Variants in SEMA5A observed in about 807,000 individuals in gnomAD.
SEMA5A encodes semaphorin-5A.
In SEMA5A, 55 loss-of-function variants were observed where a neutral mutation model predicts 135.5. The ratio of observed to expected loss-of-function variants is 0.41; its 90% confidence interval spans 0.33 to 0.51. The LOEUF (loss-of-function observed/expected upper bound fraction) is 0.51, where lower values mean the gene tolerates loss of function less well. Ranked by LOEUF, SEMA5A falls within the 20% of genes least tolerant of loss-of-function variation. The pLI, the probability that SEMA5A is intolerant of heterozygous loss-of-function variation, is 0.37. For missense variants in SEMA5A, 1,290 were observed against 1,419.9 expected (o/e 0.91, Z 1.47); for synonymous variants, 580 against 546.5 (o/e 1.06, Z -0.85).
chr5:9,321,399 T>C (rs1180543539), intron 4 of SEMA5A, among the ~76,000 whole-genome samples: 1 of 152,204 alleles, frequency 6.6e-6, no homozygotes, highest in Admixed American at 6.5e-5. Context: ...CCTCACATAT[T>C]TCCCACTGTC....
chr5:9,199,314 A>G (rs1296776275), intron 9 of SEMA5A, among the ~76,000 whole-genome samples: 1 of 152,128 alleles, frequency 6.6e-6, no homozygotes, highest in Non-Finnish European at 1.5e-5. Context: ...CCTGGGGAGC[A>G]CAATTGGTAT....
At chr5:9,459,323 T>G (rs141255819) in intron 1 of SEMA5A, among the ~76,000 whole-genome samples, 1 of 152,322 alleles carries the variant, frequency 6.6e-6, no homozygotes, top group East Asian at 1.9e-4. Context: ...ATAATATATA[T>G]GCATGATTAG....
chr5:9,360,619 T>C (rs1388557276), intron 3 of SEMA5A, among the ~76,000 whole-genome samples: 3 of 152,062 alleles, frequency 2.0e-5, no homozygotes, highest in African/African-American at 4.8e-5. Flanking sequence ...GCAATGAAAA[T>C]AATGACACCC....
intron 18 of SEMA5A, among the ~76,000 whole-genome samples, chr5:9,060,738 T>C: frequency 6.6e-6 from 1 of 152,144 alleles, no homozygotes; most frequent in East Asian, 1.9e-4. Context: ...GAGCCTCAGC[T>C]ACAAATCTGG....
intron 8 of SEMA5A, among the ~76,000 whole-genome samples, chr5:9,223,532 T>C (rs1291967325): frequency 6.6e-6 from 1 of 152,204 alleles, no homozygotes; most frequent in Non-Finnish European, 1.5e-5. Flanking sequence ...CTAGACATCC[T>C]ACTATGCCAA....
intron 16 of SEMA5A, among the ~76,000 whole-genome samples, chr5:9,100,431 T>C (rs948631164): frequency 6.6e-6 from 1 of 152,144 alleles, no homozygotes; most frequent in Admixed American, 6.5e-5. Flanking sequence ...AGGAGACTGC[T>C]GGGTTAGTGA....
chr5:9,248,555 G>GC (rs550752285), intron 5 of SEMA5A, among the ~76,000 whole-genome samples: 2 of 20,850 alleles, frequency 9.6e-5, no homozygotes, highest in African/African-American at 1.7e-4. Context: ...AACTCATACG[G>GC]CAAAAAAAAA....
intron 3 of SEMA5A, among the ~76,000 whole-genome samples, chr5:9,353,200 GGAAA>G (rs1342674784): frequency 1.8e-5 from 2 of 110,316 alleles, no homozygotes; most frequent in Admixed American, 2.2e-4. Context: ...GGAAAGGAAA[GGAAA>G]GGAAAGGAAA....
chr5:9,297,239 T>A (rs1415153229), intron 5 of SEMA5A, among the ~76,000 whole-genome samples: 1 of 150,952 alleles, frequency 6.6e-6, no homozygotes, highest in Non-Finnish European at 1.5e-5. Flanking sequence ...TTTTCCTAAG[T>A]TTTTTTTCTA....
intron 1 of SEMA5A, among the ~76,000 whole-genome samples, chr5:9,519,514 G>A (rs1441701635): frequency 6.6e-6 from 1 of 152,176 alleles, no homozygotes; most frequent in African/African-American, 2.4e-5. Context: ...TTAATTTGGT[G>A]CTAATTCTCT....
chr5:9,383,538 A>G (rs1036887960), intron 2 of SEMA5A, among the ~76,000 whole-genome samples: 1 of 152,238 alleles, frequency 6.6e-6, no homozygotes, highest in Non-Finnish European at 1.5e-5. Context: ...ACAGCCACCC[A>G]GAGCCATATC....
chr5:9,476,126 C>T (rs1181230037), intron 1 of SEMA5A, among the ~76,000 whole-genome samples: 3 of 152,174 alleles, frequency 2.0e-5, no homozygotes, highest in Non-Finnish European at 4.4e-5. Context: ...AAAGGCCGTA[C>T]ATTACTCTGT....
chr5:9,147,739 A>G (rs1471084560), intron 12 of SEMA5A, among the ~76,000 whole-genome samples: 3 of 151,742 alleles, frequency 2.0e-5, no homozygotes, highest in Non-Finnish European at 2.9e-5. Context: ...AAAAAAAAAA[A>G]AAACCCACCT....
At chr5:9,192,575 AT>A (rs1435039187) in intron 10 of SEMA5A, among the ~76,000 whole-genome samples, 5 of 40,570 alleles carry the variant, frequency 1.2e-4, no homozygotes, top group East Asian at 2.0e-3. Context: ...AGTAGTTGTA[AT>A]TGGGGGGGGG....
intron 16 of SEMA5A, among the ~76,000 whole-genome samples, chr5:9,095,690 A>C (rs1006344630): frequency 6.6e-6 from 1 of 152,224 alleles, no homozygotes; most frequent in African/African-American, 2.4e-5. Context: ...CATTGGAGGC[A>C]CTCCGATGAA....
intron 8 of SEMA5A, among the ~76,000 whole-genome samples, chr5:9,207,660 T>C (rs1362551924): frequency 1.3e-5 from 2 of 152,202 alleles, no homozygotes; most frequent in Non-Finnish European, 2.9e-5. Context: ...CTGTATTGGG[T>C]ACATTGTTTC....
chr5:9,116,744 T>C (rs1297505590), intron 15 of SEMA5A, among the ~76,000 whole-genome samples: 1 of 152,222 alleles, frequency 6.6e-6, no homozygotes, highest in Non-Finnish European at 1.5e-5. Context: ...TAGTTCTTAG[T>C]CTTTTGTATT....
In SEMA5A at chr5:9,095,041, C is replaced by T. The variant is rs143027303; in HGVS notation, c.2073+13099G>A. Among the ~76,000 whole-genome samples, 52 of 152,166 alleles carry T rather than the reference C, an allele frequency of 3.4e-4. 1 individual carries two copies. In the East Asian group the frequency reaches 9.9e-3, roughly 29 times the overall value. On this transcript the variant is annotated intron_variant, in intron 16 of 22. Coordinates refer to ENST00000382496, the MANE Select transcript of SEMA5A (RefSeq NM_003966.3). ...ACAGTTACTGTGGCACACTATCAGG[C>T]CACAGAGAAAACCAGCTATTTATTT...
In SEMA5A at chr5:9,341,645, C is replaced by CTA. The variant is rs995265563; in HGVS notation, c.125-3835_125-3834dup. 9.5e-5 allele frequency among the ~76,000 whole-genome samples: 13 copies of CTA among 136,984 alleles called. No homozygotes were observed. In the South Asian group the frequency reaches 1.7e-3, roughly 18 times the overall value. The allele number at this position is 136,984 out of a possible 152,430, so 89.9% of individuals were successfully genotyped here. On this transcript the variant is annotated intron_variant, in intron 3 of 22. Coordinates refer to ENST00000382496, the MANE Select transcript of SEMA5A (RefSeq NM_003966.3). Reference sequence around the variant, plus strand: ...AGCTTAAATATGGCAGCCAATATGACTATATATATATAATATATATAATAT... The same window carrying CTA: ...AGCTTAAATATGGCAGCCAATATGACTATATATATATATAATATATATAATAT...
Sources: gnomAD v4.1 joint callset for allele counts (sites outside exome capture counted in the v4.1 genomes callset) on GRCh38, gnomAD v4.1.1 for gene constraint, MANE v1.5 for transcripts, NCBI Gene and HGNC (gene_info 2026-07-23, HGNC 2026-07-21) for gene names.